SLC35D2: variants seen among roughly 807,000 people sequenced by gnomAD.
The protein encoded by SLC35D2 is nucleotide sugar transporter SLC35D2.
SLC35D2 carries 43 observed loss-of-function variants against 41.8 expected under a neutral mutation model. The observed-to-expected ratio is 1.03, with a 90% CI of 0.81 to 1.33. The LOEUF is 1.33. Among genes scored for constraint, SLC35D2 ranks in the 40% most tolerant of loss-of-function variants. The pLI, the probability that SLC35D2 is intolerant of heterozygous loss-of-function variation, is 0.00. For synonymous variants in SLC35D2, 150 were observed against 163.9 expected (o/e 0.92, Z 0.65); for missense variants, 380 against 408.4 (o/e 0.93, Z 0.60).
At chr9:96,364,692 T>C (rs918727954) in intron 2 of SLC35D2, 142 bp from the exon 3 acceptor site, 2 of 671,358 alleles carry the variant, frequency 3.0e-6, no homozygotes, top group African/African-American at 3.7e-5. Context: ...AAAAAATAAC[T>C]ATTTCTTAGA....
intron 8 of SLC35D2, among the ~76,000 whole-genome samples, chr9:96,337,370 T>C (rs866726830): frequency 4.6e-5 from 7 of 151,912 alleles, no homozygotes; most frequent in African/African-American, 1.4e-4. Context: ...CAGGCCACCA[T>C]GCCTGGCTAA....
chr9:96,318,849 T>C (rs112660354), downstream of SLC35D2, among the ~76,000 whole-genome samples: 197 of 152,244 alleles, frequency 1.3e-3, no homozygotes, highest in African/African-American at 4.6e-3. Flanking sequence ...TGATGGCTAC[T>C]AGTAAAAATG....
In SLC35D2 at chr9:96,382,496, C is replaced by CACACTCTATATATATATATATA. The variant is rs200897475; in HGVS notation, c.158+980_158+981insTATATATATATATATAGAGTGT. Among the ~76,000 whole-genome samples, 362 of 127,906 alleles carry CACACTCTATATATATATATATA rather than the reference C, an allele frequency of 2.8e-3. 3 individuals are homozygous for CACACTCTATATATATATATATA. The highest frequency in any genetic ancestry group is 9.7e-3 in the African/African-American group (331 of 34,164). The allele number at this position is 127,906 out of a possible 152,430, so 83.9% of individuals were successfully genotyped here. On this transcript the variant is annotated intron_variant, in intron 1 of 11. Coordinates refer to ENST00000253270, the MANE Select transcript of SLC35D2 (RefSeq NM_007001.3). ...ACACACACACACACACACACACACA[C>CACACTCTATATATATATATATA]TATATATATATATATATATATGCCT...
At chr9:96,354,766 CAAAAAAAAAAAA>C (rs59013884) in intron 4 of SLC35D2, among the ~76,000 whole-genome samples, 2 of 46,744 alleles carry the variant, frequency 4.3e-5, no homozygotes, top group Non-Finnish European at 4.4e-5. Flanking sequence ...GACTCCATCT[CAAAAAAAAAAAA>C]AAAAAAAAAA....
chr9:96,315,868 C>T (rs10990403), downstream of SLC35D2, among the ~76,000 whole-genome samples: 97,873 of 152,000 alleles, frequency 0.64, 32,571 homozygotes, highest in African/African-American at 0.82. Flanking sequence ...AAACCAGATA[C>T]ACACTATTTT....
chr9:96,359,882 T>C (rs1025836607), intron 4 of SLC35D2, among the ~76,000 whole-genome samples: 1 of 152,208 alleles, frequency 6.6e-6, no homozygotes, highest in Non-Finnish European at 1.5e-5. Flanking sequence ...CAATCCCACC[T>C]GGATAAATCA....
Position 96,364,463 on chromosome 9 carries a change from C to T in SLC35D2, c.279+1G>A, listed in dbSNP as rs760280177. The stretch of plus-strand genomic sequence containing the variant: ...AGTCATACATACTTTTCATTACTTA[C>T]CTTTACAGGAATTTTCTTATCAAAA... On this transcript the variant is annotated splice_donor_variant, in intron 3 of 11. Transcript: ENST00000253270. LOFTEE classifies it high-confidence loss of function. The T allele has an allele frequency of 1.2e-5, 19 of 1,529,814 alleles. No individual in the cohort carries two copies. The East Asian group carries it at 4.3e-4, about 34-fold the overall frequency. 94.8% of individuals were successfully genotyped at this position (1,529,814 alleles called of 1,614,324 possible).
intron 3 of SLC35D2, among the ~76,000 whole-genome samples, chr9:96,361,840 T>G (rs547582071): frequency 3.3e-5 from 5 of 152,194 alleles, no homozygotes; most frequent in African/African-American, 1.2e-4. Context: ...AAGTCAACCC[T>G]GCCAGCACTT....
intron 1 of SLC35D2, among the ~76,000 whole-genome samples, chr9:96,382,524 C>A (rs1831247002): frequency 6.9e-6 from 1 of 144,646 alleles, no homozygotes; most frequent in African/African-American, 2.6e-5. Flanking sequence ...ATATGCCTGC[C>A]TTGGCCTCCC....
At chr9:96,334,310 A>G (rs974222536) in intron 9 of SLC35D2, among the ~76,000 whole-genome samples, 1 of 152,148 alleles carries the variant, frequency 6.6e-6, no homozygotes, top group Non-Finnish European at 1.5e-5. Flanking sequence ...AAGTGTCTCA[A>G]ATTCCCAATT....
chr9:96,334,449 C>A (rs1229021126), intron 9 of SLC35D2, among the ~76,000 whole-genome samples: 1 of 151,996 alleles, frequency 6.6e-6, no homozygotes, highest in African/African-American at 2.4e-5. Flanking sequence ...ACCACCCTAG[C>A]CAACATGATG....
chr9:96,320,241 C>T (rs570770941), downstream of SLC35D2, among the ~76,000 whole-genome samples: 85 of 152,286 alleles, frequency 5.6e-4, 1 homozygote, highest in African/African-American at 1.6e-3. Context: ...TGGCCGGGTT[C>T]GGTGGCTCAC....
Position 96,383,660 on chromosome 9 carries a change from G to A in SLC35D2, c.-26C>T. 1 of 1,011,374 alleles carries A rather than the reference G, an allele frequency of 9.9e-7. No individual in the cohort carries two copies. Among genetic ancestry groups the A allele is most frequent in the Non-Finnish European group, 1.2e-6 (1 of 849,162 alleles). 62.7% of individuals were successfully genotyped at this position (1,011,374 alleles called of 1,614,324 possible). On this transcript the variant is annotated 5_prime_UTR_variant, in exon 1 of 12. Transcript: ENST00000253270. ...CTCCTGCGGCCCCGCGGACCCCGCCGCCCGCCAGCCCCGGCTGCGCACTGG... is the reference window on the plus strand; with the variant it reads ...CTCCTGCGGCCCCGCGGACCCCGCCACCCGCCAGCCCCGGCTGCGCACTGG...
At chr9:96,375,588 A>AG (rs1366576347) in intron 1 of SLC35D2, among the ~76,000 whole-genome samples, 1 of 152,142 alleles carries the variant, frequency 6.6e-6, no homozygotes, top group East Asian at 1.9e-4. Context: ...CAAAAAAAAA[A>AG]AAAGGTATTG....
chr9:96,378,204 C>T (rs1171272818), intron 1 of SLC35D2, among the ~76,000 whole-genome samples: 1 of 151,220 alleles, frequency 6.6e-6, no homozygotes, highest in African/African-American at 2.4e-5. Context: ...GAGGCCAAGC[C>T]AGGTGGACCA....
At chr9:96,347,467 T>A (rs921670932) in intron 6 of SLC35D2, among the ~76,000 whole-genome samples, 11 of 152,172 alleles carry the variant, frequency 7.2e-5, no homozygotes, top group Non-Finnish European at 1.5e-5. Flanking sequence ...ACCCTTGCAG[T>A]TGTTCAAGCG....
chr9:96,345,906 T>C (rs1404070993), intron 6 of SLC35D2, among the ~76,000 whole-genome samples: 1 of 152,236 alleles, frequency 6.6e-6, no homozygotes, highest in Non-Finnish European at 1.5e-5. Flanking sequence ...CATCCTTCTA[T>C]GTGACCCCTC....
intron 1 of SLC35D2, among the ~76,000 whole-genome samples, chr9:96,378,251 T>TACTGAG (rs1230980014): frequency 6.7e-6 from 1 of 148,648 alleles, no homozygotes; most frequent in Admixed American, 6.8e-5. Context: ...CTGAGCAACA[T>TACTGAG]ACTGAGACTC....
chr9:96,371,162 G>C (rs1242101451), intron 1 of SLC35D2, among the ~76,000 whole-genome samples: 2 of 151,986 alleles, frequency 1.3e-5, no homozygotes, highest in East Asian at 3.9e-4. Flanking sequence ...TAAACCACCA[G>C]AGTTATTAAA....
Sources: gnomAD v4.1 joint callset for allele counts (sites outside exome capture counted in the v4.1 genomes callset) on GRCh38, gnomAD v4.1.1 for gene constraint, MANE v1.5 for transcripts, NCBI Gene and HGNC (gene_info 2026-07-23, HGNC 2026-07-21) for gene names.